Variants in TPTE2 observed in about 807,000 individuals in gnomAD.
The protein encoded by TPTE2 is phosphatidylinositol 3,4,5-trisphosphate 3-phosphatase TPTE2.
In TPTE2, 53 loss-of-function variants were observed where a neutral mutation model predicts 78.6. The ratio of observed to expected loss-of-function variants is 0.67; its 90% CI spans 0.54 to 0.85. TPTE2 has a LOEUF of 0.85. TPTE2 is among the 40% of genes least tolerant of loss of function. The pLI, the probability that TPTE2 is intolerant of heterozygous loss-of-function variation, is 0.00. For missense variants in TPTE2, 461 were observed against 623.0 expected (o/e 0.74, Z 2.77); for synonymous variants, 175 against 206.2 (o/e 0.85, Z 1.30).
chr13:19,439,198 G>A (rs986278789), intron 13 of TPTE2, among the ~76,000 whole-genome samples: 4 of 152,260 alleles, frequency 2.6e-5, no homozygotes, highest in East Asian at 1.9e-4. Context: ...GCCTGGGGCA[G>A]CAGAGAGCTC....
intron 1 of TPTE2, among the ~76,000 whole-genome samples, chr13:19,498,104 A>G (rs1256757574): frequency 6.6e-6 from 1 of 151,964 alleles, no homozygotes; most frequent in Non-Finnish European, 1.5e-5. Context: ...TAGAGAAAAA[A>G]GAATAAAAAG....
At chr13:19,493,314 A>G (rs1279488270) in intron 2 of TPTE2, 134 bp downstream of exon 5, 1 of 548,404 alleles carries the variant, frequency 1.8e-6, no homozygotes, top group Non-Finnish European at 3.1e-6. Context: ...GTTGAAGAGA[A>G]GTGTGGATGG....
intron 4 of TPTE2, among the ~76,000 whole-genome samples, chr13:19,482,212 T>A (rs1050248787): frequency 7.9e-5 from 12 of 151,598 alleles, no homozygotes; most frequent in East Asian, 5.8e-4. Context: ...TCCTGTTTTT[T>A]AAAAAAAAAC....
chr13:19,497,492 C>G lies in TPTE2; in HGVS notation c.12-3991G>C, dbSNP rs1171087908. On this transcript the variant is annotated intron_variant, in intron 1 of 19. Transcript: ENST00000400230. ...TGCCTCCTCAAGTGGGTCCCTGACC[C>G]CTGACCCCTGAGCAGCCTAACTGGG... Among the ~76,000 whole-genome samples, 18 of 97,488 alleles carry G rather than the reference C, an allele frequency of 1.8e-4. No homozygotes were observed. The South Asian group carries it at 2.9e-3, about 16-fold the overall frequency. The allele number at this position is 97,488 out of a possible 152,430, so 64.0% of individuals were successfully genotyped here.
At chr13:19,440,399 C>G (rs1877411292) in intron 13 of TPTE2, among the ~76,000 whole-genome samples, 1 of 146,838 alleles carries the variant, frequency 6.8e-6, no homozygotes, top group African/African-American at 2.5e-5. Context: ...GAAAAAAAAG[C>G]TTTTGATAAA....
At chr13:19,481,960 A>G (rs1384403587) in intron 4 of TPTE2, among the ~76,000 whole-genome samples, 1 of 152,098 alleles carries the variant, frequency 6.6e-6, no homozygotes. Context: ...GTATTGTTTC[A>G]TTACAGTGAG....
intron 1 of TPTE2, among the ~76,000 whole-genome samples, chr13:19,532,416 G>A (rs1007949095): frequency 3.3e-5 from 5 of 152,158 alleles, no homozygotes; most frequent in South Asian, 4.2e-4. Flanking sequence ...CTGTTATGAG[G>A]ACAAAGTATT....
At chr13:19,493,015 A>T (rs780514989) in intron 2 of TPTE2, 112 bp from the exon 6 acceptor site, 14 of 1,447,588 alleles carry the variant, frequency 9.7e-6, no homozygotes, top group Admixed American at 7.7e-5. Context: ...TCTGTCAGAA[A>T]TCTGAGTCCC....
intron 1 of TPTE2, among the ~76,000 whole-genome samples, chr13:19,533,579 T>C (rs1281343318): frequency 6.6e-6 from 1 of 152,196 alleles, no homozygotes; most frequent in African/African-American, 2.4e-5. Context: ...CTGACAAGCA[T>C]GTGGAAAGAG....
intron 3 of TPTE2, among the ~76,000 whole-genome samples, chr13:19,485,375 T>C (rs1208741293): frequency 2.0e-5 from 3 of 152,126 alleles, no homozygotes; most frequent in Non-Finnish European, 4.4e-5. Context: ...TTCGAATATA[T>C]CATCCCATTC....
At position 19,458,627 on chromosome 13, in the gene TPTE2, G is replaced by A. The variant is rs186094170; in HGVS notation, c.741+5829C>T. ...CCACCTGAAGAGACCATGGAGATTAGGCCCAGTCTTTTGCTTGCCTCCCTT... is the reference window on the plus strand; with the variant it reads ...CCACCTGAAGAGACCATGGAGATTAAGCCCAGTCTTTTGCTTGCCTCCCTT... On this transcript the variant is annotated intron_variant, in intron 10 of 19. Transcript: ENST00000400230. The A allele has an allele frequency of 6.8e-4, 329 of 484,496 alleles. 1 individual carries two copies. Among genetic ancestry groups the A allele is most frequent in the African/African-American group, 6.0e-3 (309 of 51,234 alleles). The allele number at this position is 484,496 out of a possible 1,614,324, so 30.0% of individuals were successfully genotyped here. A position where few individuals can be genotyped will look rare whatever the true frequency, so the allele number is the denominator to read the frequency against.
intron 1 of TPTE2, among the ~76,000 whole-genome samples, chr13:19,502,542 G>T (rs369892685): frequency 0.05 from 7,484 of 148,886 alleles, 311 homozygotes; most frequent in African/African-American, 0.11. Flanking sequence ...GTAAACTATC[G>T]CAAGAACAAA....
intron 13 of TPTE2, among the ~76,000 whole-genome samples, chr13:19,441,402 C>A (rs563035442): frequency 3.0e-4 from 46 of 151,972 alleles, no homozygotes; most frequent in African/African-American, 1.1e-3. Flanking sequence ...ATATGTACTT[C>A]CAAATCTAAA....
At chr13:19,424,890 C>G in intron 19 of TPTE2, 57 bp downstream of exon 22, 1 of 1,097,574 alleles carries the variant, frequency 9.1e-7, no homozygotes, top group South Asian at 1.5e-5. Context: ...GCCATTACAC[C>G]TTATTTATAG....
At chr13:19,469,382 A>G (rs957066334) in intron 6 of TPTE2, among the ~76,000 whole-genome samples, 5 of 152,128 alleles carry the variant, frequency 3.3e-5, no homozygotes, top group African/African-American at 1.2e-4. Context: ...CCAGTGGTCT[A>G]TGTGTCTGTT....
chr13:19,483,669 AT>A (rs1177587728), intron 3 of TPTE2, among the ~76,000 whole-genome samples: 2 of 151,968 alleles, frequency 1.3e-5, no homozygotes. Flanking sequence ...CCTTTTAACA[AT>A]TTGGGGTTTG....
chr13:19,458,559 T>C, intron 10 of TPTE2: 1 of 408,186 alleles, frequency 2.4e-6, no homozygotes. Flanking sequence ...CCTTTGTTCT[T>C]ATCAGTCTCT....
chr13:19,465,287 T>C, exon 9 of TPTE2: 1 of 1,613,908 alleles, frequency 6.2e-7, no homozygotes, highest in Non-Finnish European at 8.5e-7. Flanking sequence ...GTCAAATCCA[T>C]CCCTTGTGTA....
chr13:19,553,065 C>T, the TPTE2 span, among the ~76,000 whole-genome samples: 9 of 150,400 alleles, frequency 6.0e-5, no homozygotes, highest in South Asian at 1.9e-3. Context: ...TATTTTTAGT[C>T]TATCAAAATT....
Sources: allele counts gnomAD v4.1 joint callset (sites outside exome capture counted in the v4.1 genomes callset), GRCh38; gene constraint gnomAD v4.1.1; transcripts MANE v1.5; gene names NCBI Gene and HGNC (gene_info 2026-07-23, HGNC 2026-07-21).